Variants in UBAP1 observed in about 807,000 individuals in gnomAD.
UBAP1 encodes the protein ubiquitin associated protein 1, also known as ubiquitin-associated protein 1.
UBAP1 carries 5 observed loss-of-function variants against 39.0 expected under a neutral mutation model. The observed-to-expected ratio is 0.13, with a 90% CI of 0.07 to 0.27. UBAP1 has a LOEUF of 0.27. Among genes scored for constraint, UBAP1 ranks in the 10% least tolerant of loss-of-function variants. The pLI is 1.00. For missense variants in UBAP1, 490 were observed against 608.1 expected, an observed-to-expected ratio of 0.81 and a Z score of 2.04; for synonymous variants, 211 against 225.1, an observed-to-expected ratio of 0.94 and a Z score of 0.56.
chr9:34,189,169 C>T (rs1456024828), intron 1 of UBAP1, among the ~76,000 whole-genome samples: 1 of 150,670 alleles, frequency 6.6e-6, no homozygotes, highest in Non-Finnish European at 1.5e-5. Flanking sequence ...CCATTTCTTT[C>T]TTCTAGTAGA....
chr9:34,194,757 A>G (rs1830927124), intron 1 of UBAP1, among the ~76,000 whole-genome samples: 1 of 152,040 alleles, frequency 6.6e-6, no homozygotes, highest in South Asian at 2.1e-4. Context: ...ATCTCATTTG[A>G]TCCTTACAAT....
At chr9:34,223,399 C>T (rs1162404704) in intron 2 of UBAP1, among the ~76,000 whole-genome samples, 1 of 148,414 alleles carries the variant, frequency 6.7e-6, no homozygotes, top group African/African-American at 2.5e-5. Context: ...CAATGCACTC[C>T]ATTCCATCTC....
At chr9:34,216,364 A>G (rs1832315993) in intron 1 of UBAP1, among the ~76,000 whole-genome samples, 1 of 152,094 alleles carries the variant, frequency 6.6e-6, no homozygotes, top group Admixed American at 6.6e-5. Context: ...TACCAACTAC[A>G]CAGTTTCTCT....
intron 1 of UBAP1, among the ~76,000 whole-genome samples, chr9:34,210,440 C>T (rs926787790): frequency 1.3e-5 from 2 of 152,078 alleles, no homozygotes; most frequent in African/African-American, 4.8e-5. Context: ...GTTTTCTGGC[C>T]AGGTGCGGTG....
At chr9:34,217,780 G>C in intron 1 of UBAP1, among the ~76,000 whole-genome samples, 1 of 29,406 alleles carries the variant, frequency 3.4e-5, no homozygotes, top group Middle Eastern at 0.022. Flanking sequence ...ACAGGATTTC[G>C]TTCTTTTTTT....
chr9:34,216,626 C>G (rs1051427643), intron 1 of UBAP1, among the ~76,000 whole-genome samples: 10 of 150,360 alleles, frequency 6.7e-5, no homozygotes, highest in African/African-American at 2.0e-4. Flanking sequence ...CAGGCATGCA[C>G]CACCACACCA....
intron 1 of UBAP1, among the ~76,000 whole-genome samples, chr9:34,181,641 C>G (rs1327341660): frequency 6.8e-6 from 1 of 147,910 alleles, no homozygotes; most frequent in Non-Finnish European, 1.5e-5. Context: ...ACTGGGTTAG[C>G]CAGGATGGTC....
intron 1 of UBAP1, among the ~76,000 whole-genome samples, chr9:34,181,116 C>CTTTTCT (rs1554644657): frequency 2.8e-5 from 2 of 72,236 alleles, no homozygotes; most frequent in African/African-American, 1.1e-4. Context: ...GGCCTGTTTT[C>CTTTTCT]TTTTTTTTTT....
intron 1 of UBAP1, among the ~76,000 whole-genome samples, chr9:34,183,754 CT>C (rs35708324): frequency 0.34 from 50,354 of 148,562 alleles, 10,495 homozygotes; most frequent in Non-Finnish European, 0.47. Flanking sequence ...TTCAGAATTT[CT>C]TTTTTTTTGT....
intron 1 of UBAP1, among the ~76,000 whole-genome samples, chr9:34,217,586 T>C (rs1314233535): frequency 1.3e-5 from 2 of 151,586 alleles, no homozygotes; most frequent in South Asian, 2.1e-4. Context: ...TTTTCAACTT[T>C]TATTTTGATT....
rs1157665491 is a variant in UBAP1 at position 34,242,061 on chromosome 9, T to C, written c.1036T>C (p.Leu346=). The change falls in exon 4 of 7, where the codon TTG becomes CTG. Residue 346 remains leucine (L), a synonymous_variant. Transcript: ENST00000297661. ...TSSQMPSLSV[L]SVCTEESSPP... is the part of the protein sequence containing the mutation. Reference sequence around the variant, plus strand: ...CTCCCAGATGCCTTCCCTCTCTGTTTTGTCTGTGTGCACAGAGGAATCATC... The same window carrying C: ...CTCCCAGATGCCTTCCCTCTCTGTTCTGTCTGTGTGCACAGAGGAATCATC... The C allele has an allele frequency of 1.2e-6, 2 of 1,613,662 alleles. No individual in the cohort carries two copies. Among genetic ancestry groups the C allele is most frequent in the Non-Finnish European group, 1.7e-6 (2 of 1,179,598 alleles).
At chr9:34,230,108 G>A (rs1020596461) in intron 2 of UBAP1, among the ~76,000 whole-genome samples, 2 of 152,176 alleles carry the variant, frequency 1.3e-5, no homozygotes, top group African/African-American at 2.4e-5. Context: ...CTGTCGCCCA[G>A]GCTGGAGTGC....
chr9:34,180,479 G>C (rs1352816802), intron 1 of UBAP1, among the ~76,000 whole-genome samples: 1 of 151,042 alleles, frequency 6.6e-6, no homozygotes, highest in Admixed American at 6.6e-5. Flanking sequence ...TTGCACTCCA[G>C]CCTGGGCAAC....
chr9:34,215,858 C>T (rs2131564472), intron 1 of UBAP1, among the ~76,000 whole-genome samples: 1 of 151,944 alleles, frequency 6.6e-6, no homozygotes, highest in East Asian at 1.9e-4. Context: ...CTTTGAGAGA[C>T]TGAAGTTTTG....
intron 4 of UBAP1, among the ~76,000 whole-genome samples, chr9:34,242,534 CCTTT>C (rs1429806227): frequency 6.6e-6 from 1 of 151,566 alleles, no homozygotes; most frequent in East Asian, 1.9e-4. Flanking sequence ...GATTTCTTTT[CCTTT>C]CTTTTTTTTG....
chr9:34,222,598 C>G (rs1832819179), intron 2 of UBAP1, among the ~76,000 whole-genome samples: 1 of 151,998 alleles, frequency 6.6e-6, no homozygotes, highest in Non-Finnish European at 1.5e-5. Flanking sequence ...AGTTCAAGAC[C>G]AGCCTCAGCA....
chr9:34,212,011 A>G (rs776790926), intron 1 of UBAP1: 11 of 429,704 alleles, frequency 2.6e-5, no homozygotes, highest in South Asian at 1.7e-4. Context: ...TGAATTATGA[A>G]TGTGTGTTCC....
At position 34,182,681 on chromosome 9, in the gene UBAP1, T is replaced by TCTCTCTCTCTC. The variant is rs1554645042; in HGVS notation, c.-8+3441_-8+3442insCTCTCTCTCTC. Among the ~76,000 whole-genome samples the TCTCTCTCTCTC allele has an allele frequency of 1.1e-3, 127 of 115,568 alleles. 1 individual carries two copies. The highest frequency in any genetic ancestry group is 3.9e-3 in the East Asian group (15 of 3,878). The allele number at this position is 115,568 out of a possible 152,430, so 75.8% of individuals were successfully genotyped here. On this transcript the variant is annotated intron_variant, in intron 1 of 6. Transcript: ENST00000297661. ...TTTCTTTCTTTCTTTCTTTCTTTCT[T>TCTCTCTCTCTC]TCTCTCTCTCTTTCTTTTCTTTTCT...
intron 4 of UBAP1, among the ~76,000 whole-genome samples, chr9:34,246,642 G>GTCCA (rs2131629621): frequency 6.6e-6 from 1 of 152,322 alleles, no homozygotes; most frequent in Admixed American, 6.5e-5. Context: ...GACCACAGGT[G>GTCCA]GCAGTGTGTC....
Sources: gnomAD v4.1 joint callset for allele counts (sites outside exome capture counted in the v4.1 genomes callset) on GRCh38, gnomAD v4.1.1 for gene constraint, MANE v1.5 for transcripts, NCBI Gene and HGNC (gene_info 2026-07-23, HGNC 2026-07-21) for gene names.